Variants in KALRN observed in about 807,000 individuals in gnomAD.
KALRN encodes the protein kalirin RhoGEF kinase.
KALRN carries 70 observed loss-of-function variants against 353.7 expected under a neutral mutation model. That is an observed-to-expected ratio of 0.20 (90% CI 0.16 to 0.24). The LOEUF (loss-of-function observed/expected upper bound fraction) is 0.24, where lower values mean the gene tolerates loss of function less well. Among genes scored for constraint, KALRN ranks in the 10% least tolerant of loss-of-function variants. The pLI, the probability that KALRN is intolerant of heterozygous loss-of-function variation, is 1.00. For missense variants in KALRN, 2,791 were observed against 3,756.7 expected, an observed-to-expected ratio of 0.74 and a Z score of 6.72; for synonymous variants, 1,391 against 1,434.8, an observed-to-expected ratio of 0.97 and a Z score of 0.69.
chr3:124,187,876 A>C (rs1294362036), intron 1 of KALRN, among the ~76,000 whole-genome samples: 1 of 152,176 alleles, frequency 6.6e-6, no homozygotes, highest in African/African-American at 2.4e-5. Context: ...TGTTTGAGCA[A>C]AGGAATATTA....
At chr3:124,080,327 C>T (rs1351629096) in intron 1 of KALRN, among the ~76,000 whole-genome samples, 2 of 152,182 alleles carry the variant, frequency 1.3e-5, no homozygotes, top group African/African-American at 2.4e-5. Flanking sequence ...AACACAAATA[C>T]ATTCTAAATT....
At chr3:124,077,308 T>G (rs1482214984) in intron 1 of KALRN, among the ~76,000 whole-genome samples, 1 of 152,174 alleles carries the variant, frequency 6.6e-6, no homozygotes, top group Non-Finnish European at 1.5e-5. Flanking sequence ...CTCAGGGAAG[T>G]CAGGAAGCTT....
chr3:124,068,476 T>A (rs1414707155), intron 1 of KALRN, among the ~76,000 whole-genome samples: 1 of 152,224 alleles, frequency 6.6e-6, no homozygotes, highest in Non-Finnish European at 1.5e-5. Context: ...GGATTCTTTT[T>A]TGCTGAGTGT....
chr3:124,713,068 C>A lies in KALRN; in HGVS notation c.8209C>A (p.His2737Asn). The change falls in exon 58 of 60, where the codon CAC (histidine) becomes AAC (asparagine). Residue 2737 changes from histidine to asparagine, a missense_variant. This residue lies in a region of KALRN where 188 missense variants were observed against 402.9 expected (regional missense o/e 0.47). Coordinates refer to ENST00000682506, the MANE Select transcript of KALRN (RefSeq NM_001388419.1). ...GGCTGCCCTGCTTCAGCACCTACAG[C>A]ACCCCCAGTACATCACTCTCCATGA... ...HEAALLQHLQ[H>N]PQYITLHDTY... 6.2e-7 allele frequency: 1 copy of A among 1,614,150 alleles called. No homozygotes were observed. The highest frequency in any genetic ancestry group is 8.5e-7 in the Non-Finnish European group (1 of 1,179,996).
At position 124,664,370 on chromosome 3, in the gene KALRN, T is replaced by TGCGCGCGCGC. The variant is rs1553719790; in HGVS notation, c.6346-2076_6346-2067dup. On this transcript the variant is annotated intron_variant, in intron 45 of 59. Coordinates refer to ENST00000682506, the MANE Select transcript of KALRN (RefSeq NM_001388419.1). ...GTGTGTGTGTGTGTGTGTGTGTGTGTGCGCGCGCGCGCATATAAGGGCACC... is the reference window on the plus strand; with the variant it reads ...GTGTGTGTGTGTGTGTGTGTGTGTGTGCGCGCGCGCGCGCGCGCGCGCATATAAGGGCACC... Among the ~76,000 whole-genome samples the TGCGCGCGCGC allele has an allele frequency of 8.6e-4, 112 of 129,534 alleles. No individual in the cohort carries two copies. In the Middle Eastern group the frequency reaches 0.012, roughly 14 times the overall value. The allele number at this position is 129,534 out of a possible 152,430, so 85.0% of individuals were successfully genotyped here. A position where few individuals can be genotyped will look rare whatever the true frequency, so the allele number is the denominator to read the frequency against.
chr3:124,149,382 C>G (rs1054006451), intron 1 of KALRN, among the ~76,000 whole-genome samples: 2 of 152,178 alleles, frequency 1.3e-5, no homozygotes, highest in Admixed American at 1.3e-4. Flanking sequence ...CCCTGTACCC[C>G]CCAGTGCCTC....
intron 9 of KALRN, among the ~76,000 whole-genome samples, chr3:124,343,704 T>C (rs1041090474): frequency 1.2e-4 from 19 of 152,344 alleles, no homozygotes; most frequent in Admixed American, 1.2e-3. Flanking sequence ...TCACTTCTCC[T>C]GAGAAACCTT....
At chr3:124,176,557 C>CA (rs904637564) in intron 1 of KALRN, among the ~76,000 whole-genome samples, 3 of 152,152 alleles carry the variant, frequency 2.0e-5, no homozygotes, top group African/African-American at 7.2e-5. Context: ...TATGCACTGT[C>CA]AAGCCGAAGT....
At chr3:124,657,673 T>G (rs2084245032) in intron 40 of KALRN, 61 bp from the exon 41 acceptor site, 15 of 1,415,330 alleles carry the variant, frequency 1.1e-5, no homozygotes, top group South Asian at 8.2e-5. Flanking sequence ...ATCTTATTAT[T>G]GAGAAATAAT....
At chr3:124,178,945 T>C (rs2073167973) in intron 1 of KALRN, among the ~76,000 whole-genome samples, 1 of 150,576 alleles carries the variant, frequency 6.6e-6, no homozygotes, top group South Asian at 2.1e-4. Flanking sequence ...TCTATAAACA[T>C]TTTTTTAAAA....
intron 5 of KALRN, among the ~76,000 whole-genome samples, chr3:124,279,587 C>A (rs2075135176): frequency 6.6e-6 from 1 of 152,182 alleles, no homozygotes; most frequent in African/African-American, 2.4e-5. Context: ...AAGAAGGGAT[C>A]TTGAGGAGGA....
chr3:124,454,723 T>A (rs2059137197), intron 21 of KALRN, among the ~76,000 whole-genome samples: 1 of 152,200 alleles, frequency 6.6e-6, no homozygotes, highest in Admixed American at 6.5e-5. Flanking sequence ...ACAGACTTTT[T>A]TTGTTCTTGT....
At chr3:124,636,043 C>T (rs2081317211) in intron 36 of KALRN, among the ~76,000 whole-genome samples, 1 of 152,172 alleles carries the variant, frequency 6.6e-6, no homozygotes, top group Non-Finnish European at 1.5e-5. Context: ...TGATTTTCCA[C>T]ATGGACGTAA....
intron 34 of KALRN, among the ~76,000 whole-genome samples, chr3:124,614,859 A>G (rs1009211029): frequency 6.6e-6 from 1 of 152,246 alleles, no homozygotes; most frequent in East Asian, 1.9e-4. Context: ...GGCATGAGCC[A>G]TCACACCCAG....
intron 50 of KALRN, chr3:124,678,674 T>TAA (rs201913062): frequency 0.012 from 2,116 of 175,886 alleles, 19 homozygotes; most frequent in Non-Finnish European, 0.018. Context: ...ACACACAGGG[T>TAA]AAAGCAATTA....
intron 33 of KALRN, among the ~76,000 whole-genome samples, chr3:124,501,226 T>C (rs1286546091): frequency 6.6e-6 from 1 of 151,892 alleles, no homozygotes; most frequent in Non-Finnish European, 1.5e-5. Context: ...TCTGAAAAAA[T>C]TATAAGGGAA....
chr3:124,227,778 G>A (rs528555182), intron 1 of KALRN, among the ~76,000 whole-genome samples: 1 of 142,858 alleles, frequency 7.0e-6, no homozygotes, highest in African/African-American at 2.6e-5. Context: ...AAGGACTAGG[G>A]GGTTGCAGCC....
intron 17 of KALRN, among the ~76,000 whole-genome samples, chr3:124,437,533 T>C (rs1015793863): frequency 6.6e-6 from 1 of 151,730 alleles, no homozygotes; most frequent in Non-Finnish European, 1.5e-5. Context: ...CTACTAAAAA[T>C]ACAAAAATTA....
chr3:124,437,748 G>A (rs1576930602), intron 17 of KALRN, among the ~76,000 whole-genome samples: 1 of 144,188 alleles, frequency 6.9e-6, no homozygotes, highest in Non-Finnish European at 1.5e-5. Context: ...TCTCAGAGAA[G>A]GCCAAAGATA....
Sources: allele counts gnomAD v4.1 joint callset (sites outside exome capture counted in the v4.1 genomes callset), GRCh38; gene constraint gnomAD v4.1.1; regional missense constraint gnomAD v4.1.1; transcripts MANE v1.5; gene names NCBI Gene and HGNC (gene_info 2026-07-23, HGNC 2026-07-21).